Variants in PCED1B observed in about 807,000 individuals in gnomAD.
PCED1B encodes the protein PC-esterase domain-containing protein 1B.
For synonymous variants in PCED1B, 251 were observed against 246.1 expected (o/e 1.02, Z -0.19); for missense variants, 573 against 573.9 (o/e 1.00, Z 0.02).
chr12:47,235,676 C>T lies in PCED1B; in HGVS notation c.613C>T (p.Arg205Cys), dbSNP rs753354029. ...CAACTTCCACAGCGCCACCGAGGCACGTAAACATAACTTCGATGTACTGGA... is the reference window on the plus strand; with the variant it reads ...CAACTTCCACAGCGCCACCGAGGCATGTAAACATAACTTCGATGTACTGGA... The part of the protein sequence containing the change: ...KANFHSATEA[R>C]KHNFDVLDLH... The change falls in exon 4 of 4, where the codon CGT (arginine) becomes TGT (cysteine). Residue 205 changes from arginine (R) to cysteine (C), a missense_variant. Coordinates refer to ENST00000546455, the MANE Select transcript of PCED1B (RefSeq NM_138371.3). 3 of 1,613,190 alleles carry T rather than the reference C, an allele frequency of 1.9e-6. No homozygotes were observed. The highest frequency in any genetic ancestry group is 2.5e-6 in the Non-Finnish European group (3 of 1,179,952).
At chr12:47,146,471 T>C (rs1940788233) in intron 2 of PCED1B, among the ~76,000 whole-genome samples, 1 of 152,046 alleles carries the variant, frequency 6.6e-6, no homozygotes, top group Admixed American at 6.6e-5. Flanking sequence ...CAGAAAAAAA[T>C]CTTTCATGAA....
chr12:47,088,512 G>A (rs932984648), intron 1 of PCED1B, among the ~76,000 whole-genome samples: 1 of 152,206 alleles, frequency 6.6e-6, no homozygotes, highest in Admixed American at 6.5e-5. Flanking sequence ...CTTTAGTAGA[G>A]AGTGAGGGTC....
intron 2 of PCED1B, among the ~76,000 whole-genome samples, 168 bp downstream of exon 2, chr12:47,104,363 C>A (rs1232377376): frequency 6.6e-6 from 1 of 152,152 alleles, no homozygotes; most frequent in Non-Finnish European, 1.5e-5. Context: ...AAAGTTTTCT[C>A]AATTATATAA....
chr12:47,157,904 T>C (rs987515738), intron 2 of PCED1B, among the ~76,000 whole-genome samples: 1 of 152,242 alleles, frequency 6.6e-6, no homozygotes, highest in Admixed American at 6.5e-5. Context: ...ATTTGTCTTT[T>C]GGTAGCTGGC....
At chr12:47,226,622 G>A (rs1255626501) in intron 3 of PCED1B, among the ~76,000 whole-genome samples, 3 of 152,124 alleles carry the variant, frequency 2.0e-5, no homozygotes, top group South Asian at 2.1e-4. Flanking sequence ...TTATCCGCCC[G>A]CCTTGGCCTC....
At chr12:47,113,752 G>A (rs2037687) in intron 2 of PCED1B, among the ~76,000 whole-genome samples, 2 of 151,992 alleles carry the variant, frequency 1.3e-5, no homozygotes, top group Non-Finnish European at 2.9e-5. Context: ...GCTCACGCCT[G>A]TAATCCCAAC....
intron 2 of PCED1B, among the ~76,000 whole-genome samples, chr12:47,122,922 A>G (rs772469995): frequency 1.8e-4 from 27 of 152,320 alleles, no homozygotes; most frequent in African/African-American, 5.8e-4. Context: ...CTAAATCAAA[A>G]ACAAAAACCA....
chr12:47,197,925 C>A (rs1232412720), intron 2 of PCED1B, among the ~76,000 whole-genome samples: 10 of 152,098 alleles, frequency 6.6e-5, no homozygotes, highest in African/African-American at 2.2e-4. Flanking sequence ...ACAGAAAGCA[C>A]CAGGCCCAGA....
chr12:47,191,714 T>G (rs985164333), intron 2 of PCED1B, among the ~76,000 whole-genome samples: 3 of 152,160 alleles, frequency 2.0e-5, no homozygotes, highest in African/African-American at 7.2e-5. Flanking sequence ...ACACCTGGGC[T>G]GCTCACCCTG....
At chr12:47,112,303 G>A (rs2137266996) in intron 2 of PCED1B, among the ~76,000 whole-genome samples, 1 of 152,334 alleles carries the variant, frequency 6.6e-6, no homozygotes, top group South Asian at 2.1e-4. Context: ...CCACTGAAAA[G>A]TGACTTTATT....
intron 2 of PCED1B, among the ~76,000 whole-genome samples, chr12:47,151,154 C>T (rs199813210): frequency 6.8e-6 from 1 of 146,292 alleles, no homozygotes. Context: ...CACACACATA[C>T]ACATATATTT....
chr12:47,092,505 A>G (rs1938309710), intron 1 of PCED1B, among the ~76,000 whole-genome samples: 1 of 151,892 alleles, frequency 6.6e-6, no homozygotes, highest in African/African-American at 2.4e-5. Flanking sequence ...TCTCCATGAC[A>G]TTTATTTCTT....
intron 1 of PCED1B, among the ~76,000 whole-genome samples, chr12:47,083,448 A>T (rs879573334): frequency 1.3e-5 from 2 of 151,962 alleles, no homozygotes; most frequent in African/African-American, 4.8e-5. Flanking sequence ...GGCGGGCAGC[A>T]CTCTTAATAG....
rs749019266 is a variant in PCED1B, at chr12:47,236,174, G to T, written c.1111G>T (p.Asp371Tyr). ...AGCCCATGCAGGTTTCTTCGTCGAA[G>T]ACAATTTTATGGTTGGTCCTCAGCT... is the stretch of plus-strand genomic sequence containing the variant. ...SSAHAGFFVEDNFMVGPQLPM... is the reference protein window; with the variant it reads ...SSAHAGFFVEYNFMVGPQLPM... The change falls in exon 4 of 4, where the codon GAC becomes TAC. Residue 371 changes from aspartate (D) to tyrosine (Y), a missense_variant. By Grantham distance (160) the Asp-to-Tyr change is radical (BLOSUM62 -3). Coordinates refer to ENST00000546455, the MANE Select transcript of PCED1B (RefSeq NM_138371.3). The T allele has an allele frequency of 1.2e-6, 2 of 1,613,986 alleles. No homozygotes were observed. Among genetic ancestry groups the T allele is most frequent in the Admixed American group, 1.7e-5 (1 of 59,988 alleles).
rs750853577 is a variant in PCED1B at position 47,236,017 on chromosome 12, A to T, written c.954A>T (p.Pro318=). The T allele has an allele frequency of 1.9e-6, 3 of 1,589,718 alleles. No homozygotes were observed. The highest frequency in any genetic ancestry group is 2.9e-5 in the African/African-American group (2 of 68,470). ...QRLPLLPLLS[P]QPPPPILHHQ... ...TGCCGCTGCTCCCGCTCCTGTCCCC[A>T]CAGCCTCCTCCTCCCATTCTCCATC... Residue 318 remains proline, a synonymous_variant, in exon 4 of 4, where the codon CCA becomes CCT. Transcript: ENST00000546455.
intron 2 of PCED1B, among the ~76,000 whole-genome samples, chr12:47,212,967 A>G (rs561113014): frequency 1.9e-4 from 29 of 152,354 alleles, no homozygotes; most frequent in African/African-American, 7.0e-4. Flanking sequence ...AACTTGCATA[A>G]AACATAAGAA....
At chr12:47,156,627 T>TTCTGA (rs1941201690) in intron 2 of PCED1B, among the ~76,000 whole-genome samples, 1 of 151,948 alleles carries the variant, frequency 6.6e-6, no homozygotes, top group Non-Finnish European at 1.5e-5. Flanking sequence ...CAACTCCTAC[T>TTCTGA]TCTGTTCTGT....
At chr12:47,185,006 T>A (rs12228020) in intron 2 of PCED1B, among the ~76,000 whole-genome samples, 36,154 of 152,062 alleles carry the variant, frequency 0.24, 4,700 homozygotes, top group East Asian at 0.49. Flanking sequence ...TCAGACTCCT[T>A]CTTTTTCCCT....
At chr12:47,103,288 A>G (rs1463521825) in intron 1 of PCED1B, among the ~76,000 whole-genome samples, 1 of 152,156 alleles carries the variant, frequency 6.6e-6, no homozygotes, top group Non-Finnish European at 1.5e-5. Context: ...ATGGCCTTTT[A>G]AAAATGTCTT....
Sources: gnomAD v4.1 joint callset for allele counts (sites outside exome capture counted in the v4.1 genomes callset) on GRCh38, gnomAD v4.1.1 for gene constraint, MANE v1.5 for transcripts, NCBI Gene and HGNC (gene_info 2026-07-23, HGNC 2026-07-21) for gene names.